Variants in PDE6B observed in about 807,000 individuals in gnomAD.
PDE6B encodes the protein rod cGMP-specific 3',5'-cyclic phosphodiesterase subunit beta.
In PDE6B, 106 loss-of-function variants were observed where a neutral mutation model predicts 109.0. The ratio of observed to expected loss-of-function variants is 0.97; its 90% CI spans 0.83 to 1.14. PDE6B has a LOEUF of 1.14. Among genes scored for constraint, PDE6B ranks in the 50% most tolerant of loss-of-function variants. The pLI is 0.00. For synonymous variants in PDE6B, 490 were observed against 471.3 expected, an observed-to-expected ratio of 1.04 and a Z score of -0.51; for missense variants, 1,193 against 1,155.6, an observed-to-expected ratio of 1.03 and a Z score of -0.47.
chr4:634,620 C>G, intron 1 of PDE6B, 57 bp from the exon 2 acceptor site: 1 of 1,421,506 alleles, frequency 7.0e-7, no homozygotes, highest in South Asian at 1.1e-5. Context: ...CCCAGTGGTG[C>G]GGGCTCCAGG....
intron 3 of PDE6B, among the ~76,000 whole-genome samples, chr4:643,084 C>T (rs911495033): frequency 2.4e-4 from 36 of 151,936 alleles, no homozygotes; most frequent in African/African-American, 7.0e-4. Flanking sequence ...TTGAGGCGGG[C>T]GGATCACGAG....
rs114860549 is a variant in PDE6B at position 628,195 on chromosome 4, A to T, written c.468+2101A>T. ...GAAGTGCAAATCCTCATGAAGTGCAAAGCCTCATGAAGTGCATCTCAGCAC... is the reference window on the plus strand; with the variant it reads ...GAAGTGCAAATCCTCATGAAGTGCATAGCCTCATGAAGTGCATCTCAGCAC... On this transcript the variant is annotated intron_variant, in intron 1 of 21. Transcript: ENST00000496514. Among the ~76,000 whole-genome samples, 1,438 of 144,272 alleles carry T rather than the reference A, an allele frequency of 1.0e-2. 30 individuals carry two copies. The highest frequency in any genetic ancestry group is 0.035 in the African/African-American group (1,373 of 39,176). 94.6% of individuals were successfully genotyped at this position (144,272 alleles called of 152,430 possible). A position where few individuals can be genotyped will look rare whatever the true frequency, so the allele number is the denominator to read the frequency against.
intron 3 of PDE6B, chr4:653,193 G>A (rs1018379129): frequency 3.3e-5 from 33 of 1,000,230 alleles, no homozygotes; most frequent in Middle Eastern, 5.1e-4. Context: ...GCGGAGGAGA[G>A]GGAGCTGGCA....
chr4:644,287 T>G (rs756300116), intron 3 of PDE6B, among the ~76,000 whole-genome samples: 1 of 152,024 alleles, frequency 6.6e-6, no homozygotes, highest in Non-Finnish European at 1.5e-5. Context: ...GTTAAATCCA[T>G]TTTAAATTTT....
intron 3 of PDE6B, chr4:653,505 C>A (rs546139153): frequency 4.2e-6 from 2 of 481,452 alleles, no homozygotes; most frequent in Non-Finnish European, 7.2e-6. Flanking sequence ...AAGCCCTGCT[C>A]GCCGCAGGTG....
At position 646,702 on chromosome 4, in the gene PDE6B, G is replaced by C. The variant is rs574852082; in HGVS notation, c.712-7150G>C. Among the ~76,000 whole-genome samples, 57 of 152,108 alleles carry C rather than the reference G, an allele frequency of 3.7e-4. 1 individual carries two copies. The highest frequency in any genetic ancestry group is 1.3e-3 in the African/African-American group (55 of 41,390). The stretch of plus-strand genomic sequence containing the variant: ...CTTCCTCAGACACGCGCAGCCTCCG[G>C]CCGGGCGGCGGCGCACTGCGTTTCC... On this transcript the variant is annotated intron_variant, in intron 3 of 21. Coordinates refer to ENST00000496514, the MANE Select transcript of PDE6B (RefSeq NM_000283.4).
chr4:663,094 T>A lies in PDE6B; in HGVS notation c.1833-6T>A. The A allele has an allele frequency of 6.4e-7, 1 of 1,571,638 alleles. No individual in the cohort carries two copies. The highest frequency in any genetic ancestry group is 2.2e-5 in the East Asian group (1 of 44,636). On this transcript the variant is annotated splice_region_variant and splice_polypyrimidine_tract_variant and intron_variant, in intron 14 of 21. Transcript: ENST00000496514. This position sits in a 1 kb window ranked among gnomAD's most constrained non-coding sequence, Gnocchi z 4.0. The stretch of plus-strand genomic sequence containing the variant: ...ACGGGCCTCACCTCCACCACCTGTG[T>A]AACAGGTCCCAGAACCCCTTGGCTA...
intron 3 of PDE6B, among the ~76,000 whole-genome samples, chr4:645,290 A>ATTT (rs530937075): frequency 6.1e-4 from 72 of 117,740 alleles, no homozygotes; most frequent in Admixed American, 1.3e-3. Context: ...GGCTAGTCAC[A>ATTT]TTTTTTTTTT....
chr4:626,792 C>T lies in PDE6B; in HGVS notation c.468+698C>T, dbSNP rs553596780. 1.3e-5 allele frequency among the ~76,000 whole-genome samples: 2 copies of T among 152,310 alleles called. No individual in the cohort carries two copies. Among genetic ancestry groups the T allele is most frequent in the South Asian group, 2.1e-4 (1 of 4,824 alleles). On this transcript the variant is annotated intron_variant, in intron 1 of 21. Transcript: ENST00000496514. The surrounding 1 kb of genome is among the most constrained non-coding windows in gnomAD (Gnocchi z 4.6). ...AGCCTGGGCTAGGGCAGACGCTTCCCGAGGACAGAGGCGGTCCTGGCGGGA... is the reference window on the plus strand; with the variant it reads ...AGCCTGGGCTAGGGCAGACGCTTCCTGAGGACAGAGGCGGTCCTGGCGGGA...
In PDE6B at chr4:663,153, AC is replaced by A. The variant is rs1737321508; in HGVS notation, c.1888del (p.Leu630TrpfsTer13). 1.2e-6 allele frequency: 2 copies of A among 1,611,192 alleles called. No homozygotes were observed. Among genetic ancestry groups the A allele is most frequent in the Non-Finnish European group, 1.7e-6 (2 of 1,177,872 alleles). Reference sequence around the variant, plus strand: ...GGCTCCTCGATTTTGGAGCGGCACCACCTGGAGTTTGGGAAGTTCCTGCTCT... The same window carrying A: ...GGCTCCTCGATTTTGGAGCGGCACCACTGGAGTTTGGGAAGTTCCTGCTCT... ...LHGSSILERH[H>X]LEFGKFLLSE... On this transcript the variant is annotated frameshift_variant, in exon 15 of 22. Coordinates refer to ENST00000496514, the MANE Select transcript of PDE6B (RefSeq NM_000283.4). LOFTEE classifies it high-confidence loss of function. The surrounding 1 kb of genome is among the most constrained non-coding windows in gnomAD (Gnocchi z 4.0).
In PDE6B at chr4:666,486, T is replaced by C. The variant is rs757850101; in HGVS notation, c.2269-45T>C. ...GGGGGCTGGGCGGGGCCCCAGGAGCTGCCTCCCTGGTCACTGTTCTCCCGC... is the reference window on the plus strand; with the variant it reads ...GGGGGCTGGGCGGGGCCCCAGGAGCCGCCTCCCTGGTCACTGTTCTCCCGC... On this transcript the variant is annotated intron_variant, in intron 19 of 21. Transcript: ENST00000496514. This position sits in a 1 kb window ranked among gnomAD's most constrained non-coding sequence, Gnocchi z 5.6. 4.6e-5 allele frequency: 62 copies of C among 1,357,800 alleles called. No homozygotes were observed. The highest frequency in any genetic ancestry group is 6.3e-5 in the Non-Finnish European group (60 of 947,210). 84.1% of individuals were successfully genotyped at this position (1,357,800 alleles called of 1,614,324 possible). A position where few individuals can be genotyped will look rare whatever the true frequency, so the allele number is the denominator to read the frequency against.
At chr4:645,452 C>T (rs1406161494) in intron 3 of PDE6B, among the ~76,000 whole-genome samples, 4 of 151,664 alleles carry the variant, frequency 2.6e-5, no homozygotes, top group African/African-American at 9.7e-5. Context: ...CCCGCCACCA[C>T]GCCCGGCTAA....
At chr4:640,974 C>T (rs571585691) in intron 3 of PDE6B, among the ~76,000 whole-genome samples, 10 of 152,164 alleles carry the variant, frequency 6.6e-5, no homozygotes, top group African/African-American at 1.4e-4. Flanking sequence ...GGAATGTCAG[C>T]GCTCTAGTTG....
chr4:665,542 C>T lies in PDE6B; in HGVS notation c.2268+213C>T, dbSNP rs953571368. Among the ~76,000 whole-genome samples, 4 of 152,134 alleles carry T rather than the reference C, an allele frequency of 2.6e-5. No individual in the cohort carries two copies. Among genetic ancestry groups the T allele is most frequent in the East Asian group, 1.9e-4 (1 of 5,180 alleles). Reference sequence around the variant, plus strand: ...GGTGATGCTTATGCAGAGGTGACGTCGTTGGCACTGGAGGAACCAGGGCCA... The same window carrying T: ...GGTGATGCTTATGCAGAGGTGACGTTGTTGGCACTGGAGGAACCAGGGCCA... On this transcript the variant is annotated intron_variant, in intron 19 of 21. Coordinates refer to ENST00000496514, the MANE Select transcript of PDE6B (RefSeq NM_000283.4). The surrounding 1 kb of genome is among the most constrained non-coding windows in gnomAD (Gnocchi z 4.0).
Position 633,874 on chromosome 4 carries a change from G to T in PDE6B, c.469-803G>T, listed in dbSNP as rs565837095. On this transcript the variant is annotated intron_variant, in intron 1 of 21. Coordinates refer to ENST00000496514, the MANE Select transcript of PDE6B (RefSeq NM_000283.4). This position sits in a 1 kb window ranked among gnomAD's most constrained non-coding sequence, Gnocchi z 4.5. ...AATCCCAGTCACCGGGGGGTGTCTG[G>T]TCTCAGTAACCCTCGCTGTGTCTGA... Among the ~76,000 whole-genome samples, 6 of 152,294 alleles carry T rather than the reference G, an allele frequency of 3.9e-5. No individual in the cohort carries two copies. In the South Asian group the frequency reaches 1.2e-3, roughly 32 times the overall value.
Position 625,681 on chromosome 4 carries a change from G to C in PDE6B, c.55G>C (p.Ala19Pro). The C allele has an allele frequency of 6.2e-7, 1 of 1,613,898 alleles. No homozygotes were observed. The highest frequency in any genetic ancestry group is 8.5e-7 in the Non-Finnish European group (1 of 1,179,978). The change falls in exon 1 of 22, where the codon GCC (alanine) becomes CCC (proline). Residue 19 changes from alanine to proline, a missense_variant. By Grantham distance (27) the Ala-to-Pro change is conservative. Coordinates refer to ENST00000496514, the MANE Select transcript of PDE6B (RefSeq NM_000283.4). The surrounding 1 kb of genome is among the most constrained non-coding windows in gnomAD (Gnocchi z 5.0). ...CTTTCTGGACCAGAACCCCGATTTT[G>C]CCCGCCAGTACTTTGGGAAGAAACT... Reference protein sequence around the residue: ...RSFLDQNPDFARQYFGKKLSP... With the variant: ...RSFLDQNPDFPRQYFGKKLSP...
Position 670,170 on chromosome 4 carries a change from C to A in PDE6B, c.*63C>A. On this transcript the variant is annotated 3_prime_UTR_variant, in exon 22 of 22. Coordinates refer to ENST00000496514, the MANE Select transcript of PDE6B (RefSeq NM_000283.4). ...TTCACCCACTAGGATTTGGGTTCTG[C>A]CTGTGGCTATTTGCTACAAGAGGTT... is the stretch of plus-strand genomic sequence containing the variant. 1 of 1,610,830 alleles carries A rather than the reference C, an allele frequency of 6.2e-7. No homozygotes were observed. Among genetic ancestry groups the A allele is most frequent in the Non-Finnish European group, 8.5e-7 (1 of 1,178,136 alleles).
chr4:657,305 G>T, intron 9 of PDE6B, 46 bp from the exon 10 acceptor site: 1 of 1,608,888 alleles, frequency 6.2e-7, no homozygotes, highest in Non-Finnish European at 8.5e-7. Flanking sequence ...ATGGGAGGGG[G>T]CGCGCCGGGA....
Position 654,431 on chromosome 4 carries a change from C to T in PDE6B, c.927+277C>T, listed in dbSNP as rs978439098. 3 of 620,744 alleles carry T rather than the reference C, an allele frequency of 4.8e-6. No individual in the cohort carries two copies. The African/African-American group carries it at 5.4e-5, about 11-fold the overall frequency. 38.5% of individuals were successfully genotyped at this position (620,744 alleles called of 1,614,324 possible). ...GGGGGCTCCTGCTGCCCCATCTCCCCACGTGGGACCTCCTGTGCACGTGTA... is the reference window on the plus strand; with the variant it reads ...GGGGGCTCCTGCTGCCCCATCTCCCTACGTGGGACCTCCTGTGCACGTGTA... On this transcript the variant is annotated intron_variant, in intron 5 of 21. Transcript: ENST00000496514.
Sources: allele counts gnomAD v4.1 joint callset (sites outside exome capture counted in the v4.1 genomes callset), GRCh38; gene constraint gnomAD v4.1.1; non-coding constraint Gnocchi (gnomAD v3.1); transcripts MANE v1.5; gene names NCBI Gene and HGNC (gene_info 2026-07-23, HGNC 2026-07-21).